Variants in NECAB2 observed in about 807,000 individuals in gnomAD.
NECAB2 encodes N-terminal EF-hand calcium-binding protein 2.
NECAB2 carries 68 observed loss-of-function variants against 51.9 expected under a neutral mutation model. That is an observed-to-expected ratio of 1.31 (90% CI 1.08 to 1.60). NECAB2 has a LOEUF of 1.60. Ranked by LOEUF, NECAB2 falls within the 40% of genes most tolerant of loss-of-function variation. The pLI is 0.00. For synonymous variants in NECAB2, 329 were observed against 203.5 expected, an observed-to-expected ratio of 1.62 and a Z score of -5.25; for missense variants, 854 against 490.3, an observed-to-expected ratio of 1.74 and a Z score of -7.00.
At chr16:83,997,315 T>A (rs1270839648) in intron 9 of NECAB2, 46 bp downstream of exon 9, 1 of 1,611,192 alleles carries the variant, frequency 6.2e-7, no homozygotes, top group Non-Finnish European at 8.5e-7. Context: ...TCCCTACCCA[T>A]GCCAGGACTG....
chr16:83,992,378 C>T (rs1486472402), intron 6 of NECAB2, among the ~76,000 whole-genome samples: 1 of 88,678 alleles, frequency 1.1e-5, no homozygotes, highest in Non-Finnish European at 1.9e-5. Flanking sequence ...GAGCACCCGT[C>T]CCCCCGCCCA....
chr16:83,966,307 C>T (rs1441094316), upstream of NECAB2: 3 of 450,804 alleles, frequency 6.7e-6, no homozygotes, highest in Non-Finnish European at 1.2e-5. Context: ...AGAAGCAGGT[C>T]CCAAATAAAG....
intron 5 of NECAB2, among the ~76,000 whole-genome samples, 173 bp downstream of exon 5, chr16:83,981,300 A>G (rs918830332): frequency 2.6e-5 from 4 of 152,040 alleles, no homozygotes; most frequent in Non-Finnish European, 4.4e-5. Flanking sequence ...AGGGAATAGA[A>G]TGGTTTGGTG....
chr16:83,977,451 A>T (rs1195747205), intron 2 of NECAB2, among the ~76,000 whole-genome samples: 1 of 152,058 alleles, frequency 6.6e-6, no homozygotes, highest in Non-Finnish European at 1.5e-5. Context: ...TGGTGGCCCA[A>T]TCTGATCCAA....
At chr16:83,982,910 C>G (rs887541793) in intron 5 of NECAB2, among the ~76,000 whole-genome samples, 26 of 150,438 alleles carry the variant, frequency 1.7e-4, no homozygotes, top group African/African-American at 6.1e-4. Context: ...TCACTCTTGT[C>G]CAGGCTGGAG....
intron 5 of NECAB2, among the ~76,000 whole-genome samples, chr16:83,984,003 T>G (rs1301230073): frequency 1.3e-5 from 2 of 150,196 alleles, no homozygotes; most frequent in Non-Finnish European, 3.0e-5. Flanking sequence ...GTGGTTTTTT[T>G]TTTTTTTTTT....
intron 2 of NECAB2, among the ~76,000 whole-genome samples, chr16:83,976,840 C>G (rs180887691): frequency 1.3e-5 from 2 of 152,232 alleles, no homozygotes; most frequent in Non-Finnish European, 2.9e-5. Flanking sequence ...AGGACCCCCC[C>G]TCTCCTGAGC....
intron 5 of NECAB2, among the ~76,000 whole-genome samples, chr16:83,985,158 C>T (rs1411685338): frequency 2.0e-5 from 3 of 150,874 alleles, no homozygotes; most frequent in African/African-American, 7.3e-5. Flanking sequence ...ACTAAAAATA[C>T]AAAAATTAGC....
At chr16:83,971,949 G>A (rs909436391) in intron 1 of NECAB2, 29 of 662,226 alleles carry the variant, frequency 4.4e-5, no homozygotes, top group Non-Finnish European at 5.6e-5. Flanking sequence ...ACGTGGGTGA[G>A]GGGAGGGCCT....
intron 10 of NECAB2, 46 bp downstream of exon 10, chr16:83,998,363 T>C (rs1345497401): frequency 5.1e-6 from 8 of 1,572,420 alleles, no homozygotes; most frequent in African/African-American, 1.3e-5. Context: ...CAGGGAGCTC[T>C]GCCTGGCAGT....
At chr16:83,989,852 A>G (rs1156574545) in intron 5 of NECAB2, among the ~76,000 whole-genome samples, 1 of 152,196 alleles carries the variant, frequency 6.6e-6, no homozygotes, top group Non-Finnish European at 1.5e-5. Context: ...AGTTCCGCTA[A>G]GACTCCCTCT....
chr16:84,002,086 G>A (rs935771816), intron 12 of NECAB2, among the ~76,000 whole-genome samples, 170 bp downstream of exon 12: 1 of 152,138 alleles, frequency 6.6e-6, no homozygotes, highest in African/African-American at 2.4e-5. Flanking sequence ...CCCACATACA[G>A]GTATGCCTGC....
chr16:83,995,782 A>T (rs566494910), intron 8 of NECAB2, among the ~76,000 whole-genome samples: 1 of 152,172 alleles, frequency 6.6e-6, no homozygotes, highest in African/African-American at 2.4e-5. Flanking sequence ...AGTCCGAGGG[A>T]GGAAGCTCAA....
At chr16:84,000,695 C>T (rs761674275) in intron 10 of NECAB2, 29 bp from the exon 11 acceptor site, 4 of 1,610,884 alleles carry the variant, frequency 2.5e-6, no homozygotes, top group East Asian at 2.2e-5. Context: ...GAGCTCCAGC[C>T]TCCTCCCCCC....
chr16:83,994,594 CTT>C lies in NECAB2; in HGVS notation c.716-13_716-12del. The C allele has an allele frequency of 6.2e-7, 1 of 1,614,090 alleles. No homozygotes were observed. Among genetic ancestry groups the C allele is most frequent in the South Asian group, 1.1e-5 (1 of 91,064 alleles). ...GCCCACCACTGAAGTCTGTGTGTCTCTTTCTCTACCGCAGCCACGGAGGATGC... is the reference window on the plus strand; with the variant it reads ...GCCCACCACTGAAGTCTGTGTGTCTCTCTCTACCGCAGCCACGGAGGATGC... On this transcript the variant is annotated splice_polypyrimidine_tract_variant and intron_variant, in intron 7 of 12. Coordinates refer to ENST00000305202, the MANE Select transcript of NECAB2 (RefSeq NM_019065.3).
chr16:84,000,308 C>G (rs956164505), intron 10 of NECAB2, among the ~76,000 whole-genome samples: 1 of 152,166 alleles, frequency 6.6e-6, no homozygotes, highest in African/African-American at 2.4e-5. Context: ...GGTGAGAAGA[C>G]AGCCTGAGCC....
At chr16:83,994,801 A>C (rs961568041) in intron 8 of NECAB2, 113 bp downstream of exon 8, 2 of 1,206,678 alleles carry the variant, frequency 1.7e-6, no homozygotes, top group Admixed American at 2.2e-5. Context: ...GGGAACCATG[A>C]AAAAGACATC....
At chr16:83,991,705 G>C (rs2084628032) in intron 6 of NECAB2, among the ~76,000 whole-genome samples, 1 of 151,918 alleles carries the variant, frequency 6.6e-6, no homozygotes, top group East Asian at 1.9e-4. Context: ...CTGGAGTACA[G>C]TGGCACCATT....
At chr16:83,990,782 G>A (rs769581836) in intron 6 of NECAB2, 152 bp downstream of exon 6, 11 of 949,374 alleles carry the variant, frequency 1.2e-5, no homozygotes, top group Non-Finnish European at 1.7e-5. Context: ...GCTCCATTAT[G>A]TAATATAGGC....
Sources: gnomAD v4.1 joint callset for allele counts (sites outside exome capture counted in the v4.1 genomes callset) on GRCh38, gnomAD v4.1.1 for gene constraint, MANE v1.5 for transcripts, NCBI Gene and HGNC (gene_info 2026-07-23, HGNC 2026-07-21) for gene names.